Variants in SHROOM3 observed in about 807,000 individuals in gnomAD.
SHROOM3 encodes the protein shroom family member 3.
In SHROOM3, 47 loss-of-function variants were observed where a neutral mutation model predicts 138.6. That is an observed-to-expected ratio of 0.34 (90% CI 0.27 to 0.43). The LOEUF is 0.43. Ranked by LOEUF, SHROOM3 falls within the 20% of genes least tolerant of loss-of-function variation. The probability of loss-of-function intolerance (pLI) is 1.00; values close to 1 mark genes in which losing one functional copy is unlikely to be tolerated. For missense variants in SHROOM3, 2,491 were observed against 2,596.5 expected, an observed-to-expected ratio of 0.96 and a Z score of 0.88; for synonymous variants, 1,062 against 1,063.3, an observed-to-expected ratio of 1.00 and a Z score of 0.02.
chr4:76,533,171 T>C (rs1246278344), intron 1 of SHROOM3, among the ~76,000 whole-genome samples: 1 of 152,178 alleles, frequency 6.6e-6, no homozygotes, highest in East Asian at 1.9e-4. Flanking sequence ...AACTACAGAA[T>C]GCAAAACCAT....
chr4:76,671,433 C>T (rs1031842892), intron 2 of SHROOM3, among the ~76,000 whole-genome samples: 6 of 152,304 alleles, frequency 3.9e-5, no homozygotes, highest in East Asian at 1.9e-4. Context: ...TGGAGCCGGC[C>T]AGGCCTTTGT....
chr4:76,667,891 C>T (rs901839132), intron 2 of SHROOM3, among the ~76,000 whole-genome samples: 1 of 139,168 alleles, frequency 7.2e-6, no homozygotes, highest in Non-Finnish European at 1.5e-5. Flanking sequence ...TCACTTGAAC[C>T]CGGGAGGCGG....
At chr4:76,648,799 C>A (rs1350156953) in intron 2 of SHROOM3, among the ~76,000 whole-genome samples, 1 of 152,104 alleles carries the variant, frequency 6.6e-6, no homozygotes, top group Non-Finnish European at 1.5e-5. Flanking sequence ...ATATACAAGG[C>A]AACATGTGGT....
intron 1 of SHROOM3, among the ~76,000 whole-genome samples, chr4:76,506,011 T>G (rs1732202755): frequency 6.6e-6 from 1 of 152,042 alleles, no homozygotes; most frequent in Non-Finnish European, 1.5e-5. Flanking sequence ...TAAAAAAATG[T>G]GGCACATATA....
intron 2 of SHROOM3, among the ~76,000 whole-genome samples, chr4:76,584,379 G>T (rs1190649362): frequency 1.3e-5 from 2 of 152,034 alleles, no homozygotes; most frequent in Non-Finnish European, 2.9e-5. Context: ...ACATCCATGA[G>T]GACTGTGTAT....
At chr4:76,701,073 C>T (rs1465608816) in intron 2 of SHROOM3, among the ~76,000 whole-genome samples, 3 of 152,220 alleles carry the variant, frequency 2.0e-5, no homozygotes, top group Non-Finnish European at 4.4e-5. Context: ...GCGTGAGCCA[C>T]TGCACCTGGC....
chr4:76,773,411 A>C (rs1722439399), intron 10 of SHROOM3, among the ~76,000 whole-genome samples: 1 of 151,928 alleles, frequency 6.6e-6, no homozygotes, highest in African/African-American at 2.4e-5. Context: ...GAATATTAGA[A>C]ACTGACAGAA....
intron 2 of SHROOM3, among the ~76,000 whole-genome samples, chr4:76,702,605 C>T (rs931623335): frequency 2.6e-5 from 4 of 152,138 alleles, no homozygotes; most frequent in Admixed American, 6.5e-5. Context: ...CAGCTGGCTC[C>T]GGAATCCACA....
intron 1 of SHROOM3, among the ~76,000 whole-genome samples, chr4:76,516,758 G>C (rs1732452763): frequency 6.6e-6 from 1 of 152,092 alleles, no homozygotes; most frequent in South Asian, 2.1e-4. Context: ...CTAAGTTTCT[G>C]ATCCTGGATC....
intron 1 of SHROOM3, among the ~76,000 whole-genome samples, chr4:76,487,272 C>T (rs1731751660): frequency 1.3e-5 from 2 of 152,172 alleles, no homozygotes; most frequent in South Asian, 4.1e-4. Flanking sequence ...TATATCAGTA[C>T]TTTATTTCTT....
At chr4:76,589,731 C>A (rs144943714) in intron 2 of SHROOM3, among the ~76,000 whole-genome samples, 270 of 152,320 alleles carry the variant, frequency 1.8e-3, no homozygotes, top group Non-Finnish European at 2.7e-3. Context: ...GCGGGGGTCC[C>A]AGCAATCAGC....
chr4:76,681,625 G>GTGTGTGTGTGTGTATGTATGTA (rs150048957), intron 2 of SHROOM3, among the ~76,000 whole-genome samples: 22 of 117,954 alleles, frequency 1.9e-4, no homozygotes, highest in Middle Eastern at 4.2e-3. Context: ...GTGTGTGTGT[G>GTGTGTGTGTGTGTATGTATGTA]TGTGTGTGTA....
At chr4:76,511,663 G>C (rs977443797) in intron 1 of SHROOM3, among the ~76,000 whole-genome samples, 4 of 152,212 alleles carry the variant, frequency 2.6e-5, no homozygotes, top group African/African-American at 9.7e-5. Context: ...TTTGCAGTAT[G>C]GGGGCTTGGT....
chr4:76,562,223 C>T (rs1368082859), intron 2 of SHROOM3, among the ~76,000 whole-genome samples: 3 of 152,144 alleles, frequency 2.0e-5, no homozygotes, highest in Non-Finnish European at 4.4e-5. Flanking sequence ...GCATTAGTGG[C>T]TGCTTCCTCC....
At chr4:76,605,322 G>A (rs542657885) in intron 2 of SHROOM3, among the ~76,000 whole-genome samples, 6 of 152,214 alleles carry the variant, frequency 3.9e-5, no homozygotes, top group African/African-American at 7.2e-5. Flanking sequence ...CATACAGCCC[G>A]GAAGAGGATT....
intron 2 of SHROOM3, among the ~76,000 whole-genome samples, chr4:76,589,783 C>T (rs1025760917): frequency 1.3e-5 from 2 of 152,224 alleles, no homozygotes; most frequent in Non-Finnish European, 2.9e-5. Context: ...TCTTTACTCT[C>T]ACAGCAGTGG....
rs1468478583 is a variant in SHROOM3, at chr4:76,741,213, G to A, written c.3040G>A (p.Glu1014Lys). 3.1e-6 allele frequency: 5 copies of A among 1,608,122 alleles called. No individual in the cohort carries two copies. The highest frequency in any genetic ancestry group is 2.2e-5 in the East Asian group (1 of 44,574). ...RRGARRRLTP[E>K]QKKRSYSEPE... ...AGGTGCTCGCCGGCGCCTGACTCCC[G>A]AGCAGAAGAAGCGCTCCTACTCGGA... Residue 1014 changes from glutamate (E) to lysine (K), a missense_variant, in exon 5 of 11, where the codon GAG (glutamate) becomes AAG (lysine). Around this residue, in one of 4 missense-constraint regions of SHROOM3, gnomAD observed 1,733 missense variants for 1,661.6 expected, o/e 1.04. Transcript: ENST00000296043. This position sits in a 1 kb window ranked among gnomAD's most constrained non-coding sequence, Gnocchi z 6.2.
chr4:76,670,432 G>C lies in SHROOM3; in HGVS notation c.324-39724G>C, dbSNP rs955523914. Among the ~76,000 whole-genome samples the C allele has an allele frequency of 2.0e-5, 3 of 152,144 alleles. No homozygotes were observed. The East Asian group carries it at 5.8e-4, about 29-fold the overall frequency. On this transcript the variant is annotated intron_variant, in intron 2 of 10. Coordinates refer to ENST00000296043, the MANE Select transcript of SHROOM3 (RefSeq NM_020859.4). ...AGGAGATCAGTGATGCCTGGGTTAG[G>C]GGGTGGGAGCAGGGATTGGGCATGA...
chr4:76,586,287 G>C (rs1734150765), intron 2 of SHROOM3: 1 of 985,632 alleles, frequency 1.0e-6, no homozygotes, highest in Admixed American at 6.1e-5. Flanking sequence ...CTGTGTCTCA[G>C]CTCTGTCTTC....
Sources: gnomAD v4.1 joint callset for allele counts (sites outside exome capture counted in the v4.1 genomes callset) on GRCh38, gnomAD v4.1.1 for gene constraint, gnomAD v4.1.1 regional missense constraint, Gnocchi (gnomAD v3.1) non-coding constraint, MANE v1.5 for transcripts, NCBI Gene and HGNC (gene_info 2026-07-23, HGNC 2026-07-21) for gene names.